The following DNAJC18 variants were observed in gnomAD, a reference collection of about 807,000 sequenced individuals.
DNAJC18 encodes the protein DnaJ heat shock protein family (Hsp40) member C18.
Under a neutral mutation model 48.6 loss-of-function variants are expected in DNAJC18, and 40 were observed. The observed-to-expected ratio is 0.82, with a 90% CI of 0.64 to 1.07. The LOEUF (loss-of-function observed/expected upper bound fraction) is 1.07. Among genes scored for constraint, DNAJC18 ranks in the 50% least tolerant of loss-of-function variants. The pLI, the probability that DNAJC18 is intolerant of heterozygous loss-of-function variation, is 0.00. For synonymous variants in DNAJC18, 135 were observed against 152.2 expected, an observed-to-expected ratio of 0.89 and a Z score of 0.83; for missense variants, 340 against 427.7, an observed-to-expected ratio of 0.79 and a Z score of 1.81.
chr5:139,413,081 G>T lies in DNAJC18; in HGVS notation c.*1067C>A, dbSNP rs969836501. The T allele has an allele frequency of 5.0e-6, 2 of 396,288 alleles. No individual in the cohort carries two copies. The highest frequency in any genetic ancestry group is 2.1e-5 in the African/African-American group (1 of 48,584). The allele number at this position is 396,288 out of a possible 1,614,324, so 24.5% of individuals were successfully genotyped here. ...ACATCTACTTCAGAGTTGTGAGGAG[G>T]TTTAAGTAAGAAAATATGTGTGAGA... On this transcript the variant is annotated 3_prime_UTR_variant, in exon 8 of 8. Coordinates refer to ENST00000302060, the MANE Select transcript of DNAJC18 (RefSeq NM_152686.4).
chr5:139,417,207 A>T (rs1024861027), intron 7 of DNAJC18, among the ~76,000 whole-genome samples: 55 of 140,696 alleles, frequency 3.9e-4, no homozygotes, highest in South Asian at 6.8e-4. Flanking sequence ...AAAAAAAAAA[A>T]TTTTCACCCA....
At chr5:139,417,661 C>T (rs1311732403) in intron 7 of DNAJC18, among the ~76,000 whole-genome samples, 1 of 151,618 alleles carries the variant, frequency 6.6e-6, no homozygotes, top group Non-Finnish European at 1.5e-5. Flanking sequence ...GCAACCTCCG[C>T]CTCCCGGGTT....
chr5:139,410,206 T>G lies in DNAJC18; in HGVS notation c.*3942A>C, dbSNP rs1758974359. The G allele has an allele frequency of 6.6e-6, 1 of 152,228 alleles. No homozygotes were observed. 9.4% of individuals were successfully genotyped at this position (152,228 alleles called of 1,614,324 possible). Reference sequence around the variant, plus strand: ...AAGAACCAAGGAAAAGTAGCCATTCTTTTAATATAAAATTGTTTAATGTTT... The same window carrying G: ...AAGAACCAAGGAAAAGTAGCCATTCGTTTAATATAAAATTGTTTAATGTTT... On this transcript the variant is annotated 3_prime_UTR_variant, in exon 8 of 8. Transcript: ENST00000302060.
At position 139,437,366 on chromosome 5, in the gene DNAJC18, G is replaced by A. The variant is rs1429819330; in HGVS notation, c.227+6C>T. Reference sequence around the variant, plus strand: ...AATCACTCATTTAATCTCACCACATGCTCACCTTTGTACCCCAAGCAGCTG... The same window carrying A: ...AATCACTCATTTAATCTCACCACATACTCACCTTTGTACCCCAAGCAGCTG... On this transcript the variant is annotated splice_donor_region_variant and intron_variant, in intron 2 of 7. Coordinates refer to ENST00000302060, the MANE Select transcript of DNAJC18 (RefSeq NM_152686.4). The A allele has an allele frequency of 5.6e-6, 9 of 1,600,164 alleles. No homozygotes were observed. Among genetic ancestry groups the A allele is most frequent in the East Asian group, 4.5e-5 (2 of 44,562 alleles).
intron 7 of DNAJC18, chr5:139,418,826 C>T: frequency 2.2e-6 from 1 of 456,284 alleles, no homozygotes; most frequent in South Asian, 1.5e-5. Context: ...AAGGACTGTG[C>T]CAGAACCCTG....
chr5:139,422,390 C>T (rs1218933774), intron 6 of DNAJC18, among the ~76,000 whole-genome samples: 1 of 152,232 alleles, frequency 6.6e-6, no homozygotes, highest in Non-Finnish European at 1.5e-5. Flanking sequence ...CAGAGTCTTT[C>T]TAACTCTACC....
intron 7 of DNAJC18, among the ~76,000 whole-genome samples, chr5:139,416,843 G>A (rs1016138849): frequency 9.9e-5 from 15 of 152,208 alleles, no homozygotes; most frequent in Admixed American, 2.6e-4. Context: ...ATGCAGCTGC[G>A]AAGAAGTAAA....
Position 139,410,629 on chromosome 5 carries a change from A to G in DNAJC18, c.*3519T>C, listed in dbSNP as rs539160763. 6.6e-6 allele frequency: 1 copy of G among 152,380 alleles called. No homozygotes were observed. The highest frequency in any genetic ancestry group is 6.5e-5 in the Admixed American group (1 of 15,310). The allele number at this position is 152,380 out of a possible 1,614,324, so 9.4% of individuals were successfully genotyped here. A position where few individuals can be genotyped will look rare whatever the true frequency, so the allele number is the denominator to read the frequency against. Reference sequence around the variant, plus strand: ...CTTGTATGGTGTGGCCAGCTGTAACAGAAAGCCACTGGAACGGCACAGTGC... The same window carrying G: ...CTTGTATGGTGTGGCCAGCTGTAACGGAAAGCCACTGGAACGGCACAGTGC... On this transcript the variant is annotated 3_prime_UTR_variant, in exon 8 of 8. Transcript: ENST00000302060.
chr5:139,428,700 G>A lies in DNAJC18; in HGVS notation c.228-17C>T. On this transcript the variant is annotated splice_polypyrimidine_tract_variant and intron_variant, in intron 2 of 7. Coordinates refer to ENST00000302060, the MANE Select transcript of DNAJC18 (RefSeq NM_152686.4). The stretch of plus-strand genomic sequence containing the variant: ...TTCTTGATCCTAAAAAAAATCACAA[G>A]CATGTATGTCTATAAAGGTCCCTTT... 2.5e-6 allele frequency: 4 copies of A among 1,606,372 alleles called. No individual in the cohort carries two copies. Among genetic ancestry groups the A allele is most frequent in the Non-Finnish European group, 3.4e-6 (4 of 1,177,596 alleles).
intron 6 of DNAJC18, among the ~76,000 whole-genome samples, chr5:139,422,064 C>T (rs1759162685): frequency 6.6e-6 from 1 of 152,102 alleles, no homozygotes; most frequent in Admixed American, 6.5e-5. Flanking sequence ...AAAACTCAGA[C>T]TTCTGGTCCT....
chr5:139,415,584 C>T (rs1759058920), intron 7 of DNAJC18, among the ~76,000 whole-genome samples: 1 of 152,218 alleles, frequency 6.6e-6, no homozygotes, highest in Non-Finnish European at 1.5e-5. Context: ...GCCTGCTAGC[C>T]AGGGCTTGCC....
chr5:139,420,250 T>G, intron 6 of DNAJC18, 25 bp from the exon 7 acceptor site: 2 of 1,584,802 alleles, frequency 1.3e-6, no homozygotes, highest in Non-Finnish European at 1.7e-6. Context: ...GAGAGGCTCA[T>G]GTGAGCTCAT....
intron 4 of DNAJC18, 97 bp from the exon 5 acceptor site, chr5:139,425,211 TG>T (rs1449404804): frequency 8.5e-6 from 8 of 939,396 alleles, no homozygotes; most frequent in Non-Finnish European, 1.1e-5. Flanking sequence ...TTACCCAGAC[TG>T]GAGTGCAATG....
At chr5:139,436,520 T>A in intron 2 of DNAJC18, among the ~76,000 whole-genome samples, 1 of 140,590 alleles carries the variant, frequency 7.1e-6, no homozygotes, top group Non-Finnish European at 1.5e-5. Flanking sequence ...TCTTTCTTTT[T>A]TTTTTTTTTT....
chr5:139,430,586 CTT>C (rs70982778), intron 2 of DNAJC18, among the ~76,000 whole-genome samples: 1 of 145,886 alleles, frequency 6.9e-6, no homozygotes, highest in African/African-American at 2.5e-5. Context: ...ATATCTACCT[CTT>C]TTTTTTTTTT....
rs1758987267 is a variant in DNAJC18 at position 139,411,078 on chromosome 5, T to C, written c.*3070A>G. The C allele has an allele frequency of 1.3e-5, 2 of 152,242 alleles. No homozygotes were observed. Among genetic ancestry groups the C allele is most frequent in the Admixed American group, 1.3e-4 (2 of 15,274 alleles). 9.4% of individuals were successfully genotyped at this position (152,242 alleles called of 1,614,324 possible). On this transcript the variant is annotated 3_prime_UTR_variant, in exon 8 of 8. Coordinates refer to ENST00000302060, the MANE Select transcript of DNAJC18 (RefSeq NM_152686.4). Reference sequence around the variant, plus strand: ...GCTACTGGGCCTGGCCAGTTCACTGTATTTTCGAACAATTTCCAACAGAAA... The same window carrying C: ...GCTACTGGGCCTGGCCAGTTCACTGCATTTTCGAACAATTTCCAACAGAAA...
At chr5:139,421,803 G>A (rs2152083341) in intron 6 of DNAJC18, among the ~76,000 whole-genome samples, 1 of 152,194 alleles carries the variant, frequency 6.6e-6, no homozygotes, top group African/African-American at 2.4e-5. Flanking sequence ...GTGAGACTCT[G>A]TCTCAAAAAA....
chr5:139,437,317 C>A, intron 2 of DNAJC18, 55 bp downstream of exon 2: 1 of 1,524,886 alleles, frequency 6.6e-7, no homozygotes, highest in Non-Finnish European at 8.8e-7. Flanking sequence ...CACATCCAGG[C>A]ACTCTTCTAA....
intron 2 of DNAJC18, 31 bp from the exon 3 acceptor site, chr5:139,428,714 A>G (rs777282525): frequency 3.8e-6 from 6 of 1,594,312 alleles, no homozygotes; most frequent in Non-Finnish European, 5.1e-6. Flanking sequence ...GTATGTCTAT[A>G]AAGGTCCCTT....
Sources: gnomAD v4.1 joint callset for allele counts (sites outside exome capture counted in the v4.1 genomes callset) on GRCh38, gnomAD v4.1.1 for gene constraint, MANE v1.5 for transcripts, NCBI Gene and HGNC (gene_info 2026-07-23, HGNC 2026-07-21) for gene names.